The following LMNA variants were observed in gnomAD, a reference collection of about 807,000 sequenced individuals.
The protein encoded by LMNA is lamin A/C.
A neutral mutation model predicts 70.4 loss-of-function variants in LMNA; 20 were observed. The ratio of observed to expected loss-of-function variants is 0.28; its 90% CI spans 0.20 to 0.41. The LOEUF is 0.41. Among genes scored for constraint, LMNA ranks in the 10% least tolerant of loss-of-function variants. The pLI, the probability that LMNA is intolerant of heterozygous loss-of-function variation, is 1.00. For synonymous variants in LMNA, 339 were observed against 372.8 expected, an observed-to-expected ratio of 0.91 and a Z score of 1.04; for missense variants, 652 against 917.2, an observed-to-expected ratio of 0.71 and a Z score of 3.73.
upstream of LMNA, among the ~76,000 whole-genome samples, chr1:156,114,015 G>T (rs1406251639): frequency 2.6e-5 from 4 of 152,060 alleles, no homozygotes; most frequent in Non-Finnish European, 5.9e-5. Context: ...GTCTAAAAAC[G>T]AATGCTTGGC....
chr1:156,083,714 A>T (rs1401866760), intron 2 of LMNA: 1 of 152,202 alleles, frequency 6.6e-6, no homozygotes, highest in Non-Finnish European at 1.5e-5. Flanking sequence ...GAGACAGGAG[A>T]ATTGCTTGAA....
chr1:156,119,123 C>CT (rs764508337), intron 1 of LMNA, among the ~76,000 whole-genome samples: 169 of 141,266 alleles, frequency 1.2e-3, no homozygotes, highest in Middle Eastern at 7.5e-3. Context: ...TTTTTTTTTT[C>CT]TTTTTTTTTT....
chr1:156,112,144 CAG>C (rs1649563308), upstream of LMNA, among the ~76,000 whole-genome samples: 1 of 152,244 alleles, frequency 6.6e-6, no homozygotes, highest in Admixed American at 6.5e-5. Context: ...TGGCCAGACA[CAG>C]TGGCTCACAC....
At chr1:156,128,987 A>T (rs1363304281) in intron 1 of LMNA, among the ~76,000 whole-genome samples, 1 of 152,180 alleles carries the variant, frequency 6.6e-6, no homozygotes, top group Non-Finnish European at 1.5e-5. Flanking sequence ...GCTTCGGAAA[A>T]GTTCTGAAGT....
chr1:156,130,902 C>T (rs985101501), intron 2 of LMNA, 129 bp downstream of exon 2: 4 of 901,182 alleles, frequency 4.4e-6, no homozygotes, highest in African/African-American at 1.7e-5. Flanking sequence ...TTCACCTGTC[C>T]TAGAGTCATT....
rs1048973006 is a variant in LMNA at position 156,138,336 on chromosome 1, C to T, written c.1699-152C>T. ...CCCTCTCCTCCTCCGGGCCCCTAGC[C>T]TCCCAAACCCCCATTGCCCGCTGGC... On this transcript the variant is annotated intron_variant, in intron 10 of 11. Transcript: ENST00000368300. The surrounding 1 kb of genome is among the most constrained non-coding windows in gnomAD (Gnocchi z 5.5). 1.1e-4 allele frequency: 89 copies of T among 800,560 alleles called. 1 individual carries two copies. Among genetic ancestry groups the T allele is most frequent in the Admixed American group, 7.3e-4 (27 of 36,886 alleles). The allele number at this position is 800,560 out of a possible 1,614,324, so 49.6% of individuals were successfully genotyped here. A position where few individuals can be genotyped will look rare whatever the true frequency, so the allele number is the denominator to read the frequency against.
chr1:156,110,895 G>C (rs546725731), upstream of LMNA, among the ~76,000 whole-genome samples: 47 of 152,282 alleles, frequency 3.1e-4, 1 homozygote, highest in South Asian at 9.3e-3. Context: ...CAAATCGCTT[G>C]AACATGGAAG....
intron 2 of LMNA, among the ~76,000 whole-genome samples, chr1:156,088,116 C>T (rs1046472406): frequency 3.0e-4 from 46 of 151,902 alleles, no homozygotes; most frequent in Admixed American, 3.3e-4. Context: ...GTGATCCGCC[C>T]GCCTCGGCCT....
At position 156,138,577 on chromosome 1, in the gene LMNA, C is replaced by T; in HGVS notation, c.1788C>T (p.Asp596=). Residue 596 remains aspartate (D), a synonymous_variant, in exon 11 of 12, where the codon GAC becomes GAT. Coordinates refer to ENST00000368300, the MANE Select transcript of LMNA (RefSeq NM_170707.4). This position sits in a 1 kb window ranked among gnomAD's most constrained non-coding sequence, Gnocchi z 5.5. ...VLCGTCGQPA[D]KASASGSGAQ... is the part of the protein sequence containing the mutation. ...GCGGGACCTGCGGGCAGCCTGCCGA[C>T]AAGGCATCTGCCAGCGGCTCAGGAG... 1 of 1,612,858 alleles carries T rather than the reference C, an allele frequency of 6.2e-7. No homozygotes were observed. Among genetic ancestry groups the T allele is most frequent in the Non-Finnish European group, 8.5e-7 (1 of 1,179,860 alleles).
chr1:156,116,702 T>C (rs1000668572), intron 1 of LMNA, among the ~76,000 whole-genome samples: 1 of 151,982 alleles, frequency 6.6e-6, no homozygotes. Flanking sequence ...ATAGCTGAGA[T>C]TACAGGCATG....
At position 156,136,160 on chromosome 1, in the gene LMNA, C is replaced by T; in HGVS notation, c.1157+39C>T. The T allele has an allele frequency of 6.2e-7, 1 of 1,613,000 alleles. No individual in the cohort carries two copies. The highest frequency in any genetic ancestry group is 8.5e-7 in the Non-Finnish European group (1 of 1,179,430). ...ACGTCGGGGAGGTGCTGGCAGTGTC[C>T]TCTGGCCGGCAACTGGCCTTGACTA... is the stretch of plus-strand genomic sequence containing the variant. On this transcript the variant is annotated intron_variant, in intron 6 of 11. Transcript: ENST00000368300. The surrounding 1 kb of genome is among the most constrained non-coding windows in gnomAD (Gnocchi z 6.1).
intron 2 of LMNA, among the ~76,000 whole-genome samples, chr1:156,085,379 G>C (rs1187023049): frequency 2.0e-5 from 3 of 152,310 alleles, no homozygotes; most frequent in Non-Finnish European, 4.4e-5. Flanking sequence ...TCTGTATACA[G>C]GCTCTCCTTT....
chr1:156,084,681 G>A (rs1039472614), intron 2 of LMNA, among the ~76,000 whole-genome samples: 1 of 152,142 alleles, frequency 6.6e-6, no homozygotes, highest in Non-Finnish European at 1.5e-5. Context: ...TGTGGACCAG[G>A]TGACTATCTT....
intron 3 of LMNA, among the ~76,000 whole-genome samples, chr1:156,095,673 C>T (rs540268852): frequency 5.3e-5 from 8 of 152,248 alleles, no homozygotes; most frequent in Admixed American, 4.6e-4. Context: ...ACACTTCTAA[C>T]GCCAACATCC....
chr1:156,123,621 A>G (rs1474092481), intron 1 of LMNA, among the ~76,000 whole-genome samples: 1 of 150,882 alleles, frequency 6.6e-6, no homozygotes, highest in African/African-American at 2.4e-5. Context: ...TCCTCCAGGC[A>G]CTACTTCTTT....
At chr1:156,095,594 T>C (rs544361413) in intron 3 of LMNA, among the ~76,000 whole-genome samples, 27 of 151,644 alleles carry the variant, frequency 1.8e-4, no homozygotes, top group African/African-American at 6.1e-4. Context: ...TGACCTCAGG[T>C]GATCCACCCG....
At position 156,114,721 on chromosome 1, in the gene LMNA, G is replaced by C. The variant is rs1301385404; in HGVS notation, c.-198G>C. On this transcript the variant is annotated 5_prime_UTR_variant, in exon 1 of 12. Coordinates refer to ENST00000368300, the MANE Select transcript of LMNA (RefSeq NM_170707.4). ...CGGCGTCGGTGACTCAGTGTTCGCG[G>C]GAGCGCCGCACCTACACCAGCCAAC... The C allele has an allele frequency of 8.9e-6, 5 of 564,094 alleles. No individual in the cohort carries two copies. The highest frequency in any genetic ancestry group is 1.5e-5 in the Non-Finnish European group (5 of 323,148). 34.9% of individuals were successfully genotyped at this position (564,094 alleles called of 1,614,324 possible). A position where few individuals can be genotyped will look rare whatever the true frequency, so the allele number is the denominator to read the frequency against.
chr1:156,085,207 T>C (rs1336928784), intron 2 of LMNA, among the ~76,000 whole-genome samples: 1 of 152,236 alleles, frequency 6.6e-6, no homozygotes. Context: ...GAGTGTGTGC[T>C]GCAGATCATG....
chr1:156,089,837 G>C (rs1433737653), intron 2 of LMNA, among the ~76,000 whole-genome samples: 1 of 152,212 alleles, frequency 6.6e-6, no homozygotes. Context: ...AGCTCAGAGG[G>C]GCTGGGGTGG....
Sources: gnomAD v4.1 joint callset for allele counts (sites outside exome capture counted in the v4.1 genomes callset) on GRCh38, gnomAD v4.1.1 for gene constraint, Gnocchi (gnomAD v3.1) non-coding constraint, MANE v1.5 for transcripts, NCBI Gene and HGNC (gene_info 2026-07-23, HGNC 2026-07-21) for gene names.